Variants in PDE8B observed in about 807,000 individuals in gnomAD.
PDE8B encodes phosphodiesterase 8B.
In PDE8B, 26 loss-of-function variants were observed where a neutral mutation model predicts 101.3. That is an observed-to-expected ratio of 0.26 (90% CI 0.19 to 0.36). The LOEUF is 0.36. PDE8B is among the 10% of genes least tolerant of loss of function. The pLI is 1.00. For synonymous variants in PDE8B, 424 were observed against 429.3 expected (o/e 0.99, Z 0.15); for missense variants, 810 against 1,163.1 (o/e 0.70, Z 4.42).
intron 21 of PDE8B, chr5:77,426,185 GA>G: frequency 3.4e-6 from 2 of 589,228 alleles, no homozygotes; most frequent in Non-Finnish European, 6.0e-6. Context: ...GTCGTTGGAG[GA>G]AAACTCTAGA....
intron 1 of PDE8B, among the ~76,000 whole-genome samples, chr5:77,267,832 A>C (rs187709834): frequency 1.6e-3 from 239 of 152,370 alleles, no homozygotes; most frequent in African/African-American, 4.7e-3. Context: ...GAGCAGTTAG[A>C]ATAAAGAGTT....
chr5:77,117,811 A>G, the PDE8B span, among the ~76,000 whole-genome samples: 1 of 152,172 alleles, frequency 6.6e-6, no homozygotes, highest in African/African-American at 2.4e-5. Context: ...ATATGCATCC[A>G]TTCGTTTATA....
intron 7 of PDE8B, among the ~76,000 whole-genome samples, chr5:77,346,572 G>A (rs551816052): frequency 5.5e-4 from 84 of 152,168 alleles, no homozygotes; most frequent in Non-Finnish European, 1.1e-3. Flanking sequence ...AGGTAATATT[G>A]TGATGGTGTC....
chr5:77,372,201 AAAC>A (rs3031818), intron 10 of PDE8B, among the ~76,000 whole-genome samples: 113 of 151,644 alleles, frequency 7.5e-4, no homozygotes, highest in African/African-American at 1.8e-3. Context: ...TTCTGTCTCA[AAAC>A]AACAACAACA....
At position 77,369,693 on chromosome 5, in the gene PDE8B, C is replaced by T. The variant is rs1023700894; in HGVS notation, c.1167+16287C>T. Among the ~76,000 whole-genome samples, 9 of 152,310 alleles carry T rather than the reference C, an allele frequency of 5.9e-5. No individual in the cohort carries two copies. In the East Asian group the frequency reaches 1.5e-3, roughly 26 times the overall value. On this transcript the variant is annotated intron_variant, in intron 10 of 21. Coordinates refer to ENST00000264917, the MANE Select transcript of PDE8B (RefSeq NM_003719.5). ...AACTGATACTCAGAGAGCAGTTACA[C>T]AGCTAGAAAATGTGCAAGCTTGGCA...
chr5:77,363,687 G>A (rs952330750), intron 10 of PDE8B, among the ~76,000 whole-genome samples: 25 of 150,870 alleles, frequency 1.7e-4, no homozygotes, highest in African/African-American at 5.9e-4. Context: ...ACTCCAGCCT[G>A]GGTGACAGAG....
intron 1 of PDE8B, among the ~76,000 whole-genome samples, chr5:77,250,137 A>G (rs1438909363): frequency 6.6e-6 from 1 of 152,192 alleles, no homozygotes; most frequent in African/African-American, 2.4e-5. Context: ...CATTTATTGC[A>G]TGCTTACTCC....
intron 2 of PDE8B, 67 bp from the exon 3 acceptor site, chr5:77,325,472 A>G (rs1775875596): frequency 1.4e-6 from 2 of 1,447,336 alleles, no homozygotes; most frequent in African/African-American, 2.8e-5. Flanking sequence ...CCTGGCCACT[A>G]GGCTTGTTTT....
At chr5:77,412,265 C>A in intron 16 of PDE8B, 30 bp downstream of exon 16, 1 of 1,610,568 alleles carries the variant, frequency 6.2e-7, no homozygotes, top group South Asian at 1.1e-5. Flanking sequence ...GAAGGCAGAG[C>A]AGGATTGATG....
chr5:77,198,972 T>C, the PDE8B span, among the ~76,000 whole-genome samples: 1 of 152,234 alleles, frequency 6.6e-6, no homozygotes, highest in South Asian at 2.1e-4. Context: ...CTATGTCTTA[T>C]TCGTCTTTTC....
At chr5:77,284,877 T>C (rs1021072186) in intron 1 of PDE8B, among the ~76,000 whole-genome samples, 1 of 152,218 alleles carries the variant, frequency 6.6e-6, no homozygotes, top group African/African-American at 2.4e-5. Context: ...TTAATGGACA[T>C]TTGAGATGTT....
At chr5:77,169,797 T>C in the PDE8B span, among the ~76,000 whole-genome samples, 1 of 152,180 alleles carries the variant, frequency 6.6e-6, no homozygotes. Flanking sequence ...CACTGAGCCC[T>C]GGAGGTGTGC....
the PDE8B span, among the ~76,000 whole-genome samples, chr5:77,093,920 G>A: frequency 6.6e-5 from 10 of 151,880 alleles, no homozygotes; most frequent in Non-Finnish European, 1.2e-4. Context: ...CCGCCGGGAG[G>A]GCTGAGTCCA....
intron 1 of PDE8B, 27 bp from the exon 2 acceptor site, chr5:77,311,967 G>A (rs372458437): frequency 6.6e-5 from 105 of 1,596,874 alleles, no homozygotes; most frequent in Non-Finnish European, 8.3e-5. Flanking sequence ...AAGACTTGAC[G>A]CTTCTCTTGT....
At chr5:77,284,170 G>T (rs559517146) in intron 1 of PDE8B, among the ~76,000 whole-genome samples, 2 of 152,248 alleles carry the variant, frequency 1.3e-5, no homozygotes, top group South Asian at 2.1e-4. Context: ...TTATTAATAG[G>T]TTGTTCATTT....
chr5:77,098,229 A>C, the PDE8B span, among the ~76,000 whole-genome samples: 67 of 151,450 alleles, frequency 4.4e-4, no homozygotes, highest in African/African-American at 1.6e-3. Context: ...CCATTCCCAC[A>C]TGGTGAATTG....
intron 1 of PDE8B, among the ~76,000 whole-genome samples, chr5:77,222,704 C>T (rs976242946): frequency 6.6e-6 from 1 of 152,088 alleles, no homozygotes; most frequent in Admixed American, 6.6e-5. Flanking sequence ...GCAGGAGTTA[C>T]GGATTGGGAA....
intron 1 of PDE8B, among the ~76,000 whole-genome samples, chr5:77,288,648 C>T (rs1157749177): frequency 1.3e-5 from 2 of 152,116 alleles, no homozygotes; most frequent in East Asian, 3.9e-4. Flanking sequence ...GCATGCCCAG[C>T]CTTCACCATC....
At chr5:77,311,587 C>T (rs1772629347) in intron 1 of PDE8B, among the ~76,000 whole-genome samples, 1 of 152,200 alleles carries the variant, frequency 6.6e-6, no homozygotes, top group Non-Finnish European at 1.5e-5. Flanking sequence ...TGTTTATTCT[C>T]TTTTGAAATT....
Sources: allele counts gnomAD v4.1 joint callset (sites outside exome capture counted in the v4.1 genomes callset), GRCh38; gene constraint gnomAD v4.1.1; transcripts MANE v1.5; gene names NCBI Gene and HGNC (gene_info 2026-07-23, HGNC 2026-07-21).